CCDC93: variants seen among roughly 807,000 people sequenced by gnomAD.
CCDC93 encodes the protein coiled-coil domain-containing protein 93.
CCDC93 carries 61 observed loss-of-function variants against 108.2 expected under a neutral mutation model. That is an observed-to-expected ratio of 0.56 (90% confidence interval 0.46 to 0.70). The LOEUF is 0.70. CCDC93 is among the 30% of genes least tolerant of loss of function. CCDC93 has a pLI of 0.00. For synonymous variants in CCDC93, 276 were observed against 260.4 expected (o/e 1.06, Z -0.58); for missense variants, 685 against 764.2 (o/e 0.90, Z 1.22).
chr2:117,982,938 G>T (rs1680195757), intron 7 of CCDC93, among the ~76,000 whole-genome samples: 1 of 152,176 alleles, frequency 6.6e-6, no homozygotes, highest in Admixed American at 6.5e-5. Flanking sequence ...ATAAGTGAAG[G>T]AGTCCACGGG....
chr2:117,921,167 G>C (rs1410262439), intron 23 of CCDC93, among the ~76,000 whole-genome samples: 1 of 137,334 alleles, frequency 7.3e-6, no homozygotes, highest in Non-Finnish European at 1.6e-5. Flanking sequence ...ACAGAGCAAG[G>C]CTCTGTCTCA....
chr2:117,983,630 TTATATA>T (rs66879401), intron 7 of CCDC93, among the ~76,000 whole-genome samples: 110 of 98,486 alleles, frequency 1.1e-3, no homozygotes, highest in African/African-American at 3.3e-3. Flanking sequence ...CTGCTCAAAA[TTATATA>T]TATATATATA....
At chr2:117,952,286 C>T (rs1490572780) in intron 13 of CCDC93, 87 bp downstream of exon 13, 56 of 898,914 alleles carry the variant, frequency 6.2e-5, no homozygotes, top group South Asian at 4.0e-5. Context: ...ACACACAGAC[C>T]GATGAAACAC....
chr2:117,921,567 G>A (rs1312096893), intron 23 of CCDC93: 1 of 152,114 alleles, frequency 6.6e-6, no homozygotes, highest in Non-Finnish European at 1.5e-5. Flanking sequence ...GGCCTCCAGG[G>A]GCTGTGTTTT....
At chr2:117,987,270 A>G (rs1034784671) in intron 6 of CCDC93, among the ~76,000 whole-genome samples, 1 of 152,186 alleles carries the variant, frequency 6.6e-6, no homozygotes, top group African/African-American at 2.4e-5. Context: ...GAGGAAGCAG[A>G]CACTGAATAA....
intron 3 of CCDC93, among the ~76,000 whole-genome samples, chr2:118,003,175 C>A (rs750415591): frequency 1.3e-5 from 2 of 152,212 alleles, no homozygotes; most frequent in African/African-American, 2.4e-5. Flanking sequence ...ATGTTGCCTG[C>A]CCCACAGGGG....
In CCDC93 at chr2:117,948,179, G is replaced by A; in HGVS notation, c.1150C>T (p.Gln384Ter). 6.2e-7 allele frequency: 1 copy of A among 1,611,862 alleles called. No individual in the cohort carries two copies. The highest frequency in any genetic ancestry group is 8.5e-7 in the Non-Finnish European group (1 of 1,178,244). Residue 384 changes from glutamine to a stop codon, truncating the protein, a stop_gained, in exon 15 of 24, where the codon CAG becomes TAG. Transcript: ENST00000376300. LOFTEE classifies it high-confidence loss of function. ...IESKADPSIL[Q>*]NLRALVAMNE... ...ATGGCTACAAGTGCTCTCAGGTTCT[G>A]TAGGATACTGAAGAGAAAAGACAAA... is the stretch of plus-strand genomic sequence containing the variant.
intron 5 of CCDC93, 195 bp from the exon 6 acceptor site, chr2:117,995,697 TC>T: frequency 1.8e-6 from 1 of 559,762 alleles, no homozygotes. Flanking sequence ...CCAACATAGA[TC>T]CCTACACAGC....
chr2:117,949,368 T>C lies in CCDC93; in HGVS notation c.1096A>G (p.Lys366Glu). Reference sequence around the variant, plus strand: ...ATCTTCTCGAGGGCTGCTTGCTCTTTGTCCAGTTTCTCACTGTAAGTCTTC... The same window carrying C: ...ATCTTCTCGAGGGCTGCTTGCTCTTCGTCCAGTTTCTCACTGTAAGTCTTC... ...ELKTYSEKLD[K>E]EQAALEKIES... Residue 366 changes from lysine (K) to glutamate (E), a missense_variant, in exon 14 of 24, where the codon AAA (lysine) becomes GAA (glutamate). Transcript: ENST00000376300. 2 of 1,613,918 alleles carry C rather than the reference T, an allele frequency of 1.2e-6. No homozygotes were observed. Among genetic ancestry groups the C allele is most frequent in the South Asian group, 1.1e-5 (1 of 91,082 alleles).
chr2:117,975,039 G>A, intron 9 of CCDC93, 139 bp from the exon 10 acceptor site: 1 of 1,048,286 alleles, frequency 9.5e-7, no homozygotes, highest in Non-Finnish European at 1.5e-6. Context: ...AAAGGCAGGT[G>A]ATAAAATGAA....
Position 118,014,049 on chromosome 2 carries a change from A to G in CCDC93, c.-54T>C. 1 of 1,572,816 alleles carries G rather than the reference A, an allele frequency of 6.4e-7. No homozygotes were observed. Among genetic ancestry groups the G allele is most frequent in the Non-Finnish European group, 8.6e-7 (1 of 1,160,026 alleles). The stretch of plus-strand genomic sequence containing the variant: ...GCGAAGCCCGCCAAGCGTCCGGAGG[A>G]AGCTGTCCCTGCCGCGGAGCTGCTA... On this transcript the variant is annotated 5_prime_UTR_variant, in exon 1 of 24. Transcript: ENST00000376300.
At chr2:117,955,646 T>C (rs535958396) in intron 12 of CCDC93, among the ~76,000 whole-genome samples, 47 of 152,286 alleles carry the variant, frequency 3.1e-4, no homozygotes, top group African/African-American at 1.1e-3. Context: ...GTATCCTTAT[T>C]TGTAAAGTGA....
chr2:118,009,913 TG>T (rs1231604342), intron 1 of CCDC93, among the ~76,000 whole-genome samples: 16 of 152,084 alleles, frequency 1.1e-4, no homozygotes, highest in Admixed American at 1.0e-3. Flanking sequence ...GCTTTTTTTT[TG>T]TTTTTTTGTT....
chr2:117,927,838 C>T (rs1176589728), intron 23 of CCDC93, among the ~76,000 whole-genome samples: 2 of 152,190 alleles, frequency 1.3e-5, no homozygotes, highest in Non-Finnish European at 2.9e-5. Context: ...CTGGAGGCAT[C>T]ATGCTACCTG....
intron 12 of CCDC93, among the ~76,000 whole-genome samples, chr2:117,956,001 C>T (rs1558781572): frequency 6.6e-6 from 1 of 152,122 alleles, no homozygotes; most frequent in Non-Finnish European, 1.5e-5. Context: ...TTAAAAAAAG[C>T]ACTTGAAACA....
At chr2:117,986,658 T>C (rs1369729444) in intron 6 of CCDC93, among the ~76,000 whole-genome samples, 1 of 152,214 alleles carries the variant, frequency 6.6e-6, no homozygotes, top group Non-Finnish European at 1.5e-5. Flanking sequence ...TGGTTAACTT[T>C]ATTATTTTAC....
In CCDC93 at chr2:117,916,269, GA is replaced by G. The variant is rs2104686148; in HGVS notation, c.*4073del. On this transcript the variant is annotated 3_prime_UTR_variant, in exon 24 of 24. Coordinates refer to ENST00000376300, the MANE Select transcript of CCDC93 (RefSeq NM_019044.5). ...TACCTTTAGGTTCATGACACATTTTGAGCCAAAACATACCTTATCTCTAACA... is the reference window on the plus strand; with the variant it reads ...TACCTTTAGGTTCATGACACATTTTGGCCAAAACATACCTTATCTCTAACA... 1 of 152,010 alleles carries G rather than the reference GA, an allele frequency of 6.6e-6. No homozygotes were observed. The highest frequency in any genetic ancestry group is 2.1e-4 in the South Asian group (1 of 4,816). The allele number at this position is 152,010 out of a possible 1,614,324, so 9.4% of individuals were successfully genotyped here.
intron 11 of CCDC93, among the ~76,000 whole-genome samples, chr2:117,960,693 T>A (rs942998061): frequency 6.6e-6 from 1 of 152,220 alleles, no homozygotes; most frequent in Non-Finnish European, 1.5e-5. Context: ...TTGATAGCTA[T>A]CTAAGTCTCA....
chr2:118,009,333 C>T (rs547513609), intron 1 of CCDC93, among the ~76,000 whole-genome samples: 88 of 152,090 alleles, frequency 5.8e-4, no homozygotes, highest in African/African-American at 2.0e-3. Context: ...ATCGTACCAC[C>T]GTACTCCAGC....
Sources: gnomAD v4.1 joint callset for allele counts (sites outside exome capture counted in the v4.1 genomes callset) on GRCh38, gnomAD v4.1.1 for gene constraint, MANE v1.5 for transcripts, NCBI Gene and HGNC (gene_info 2026-07-23, HGNC 2026-07-21) for gene names.